ZMYM5: variants seen among roughly 807,000 people sequenced by gnomAD.
ZMYM5 encodes zinc finger MYM-type containing 5.
Under a neutral mutation model 61.8 loss-of-function variants are expected in ZMYM5, and 41 were observed. That is an observed-to-expected ratio of 0.66 (90% CI 0.52 to 0.86). ZMYM5 has a LOEUF of 0.86. Ranked by LOEUF, ZMYM5 falls within the 40% of genes least tolerant of loss-of-function variation. The probability of loss-of-function intolerance (pLI) is 0.00; values close to 1 mark genes in which losing one functional copy is unlikely to be tolerated. For synonymous variants in ZMYM5, 257 were observed against 276.4 expected, an observed-to-expected ratio of 0.93 and a Z score of 0.70; for missense variants, 706 against 786.7, an observed-to-expected ratio of 0.90 and a Z score of 1.23.
At chr13:19,847,276 T>C (rs918046952) in intron 4 of ZMYM5, among the ~76,000 whole-genome samples, 1 of 152,030 alleles carries the variant, frequency 6.6e-6, no homozygotes, top group African/African-American at 2.4e-5. Context: ...CGGTTACAAA[T>C]CCCACATTGT....
intron 4 of ZMYM5, among the ~76,000 whole-genome samples, chr13:19,847,319 T>C (rs1235526272): frequency 6.6e-6 from 1 of 152,176 alleles, no homozygotes; most frequent in Non-Finnish European, 1.5e-5. Context: ...TGTCAAGTTT[T>C]GGTGCTGCAT....
In ZMYM5 at chr13:19,837,642, A is replaced by G. The variant is rs1952716354; in HGVS notation, c.1038+14T>C. 1.9e-6 allele frequency: 3 copies of G among 1,596,662 alleles called. No homozygotes were observed. Among genetic ancestry groups the G allele is most frequent in the Non-Finnish European group, 1.7e-6 (2 of 1,176,250 alleles). On this transcript the variant is annotated intron_variant, in intron 6 of 7. Coordinates refer to ENST00000337963, the MANE Select transcript of ZMYM5 (RefSeq NM_001142684.2). The stretch of plus-strand genomic sequence containing the variant: ...TGTTAGCCTAAACAACAACTTAGGT[A>G]TAAAAATCCAGACCTCTGCTAATTT...
chr13:19,830,735 A>G (rs1304621521), intron 7 of ZMYM5, among the ~76,000 whole-genome samples: 2 of 152,186 alleles, frequency 1.3e-5, no homozygotes, highest in East Asian at 3.9e-4. Context: ...CATGTTGCCC[A>G]GGCTGGTCTC....
Position 19,837,794 on chromosome 13 carries a change from G to T in ZMYM5, c.900C>A (p.Val300=). The T allele has an allele frequency of 1.3e-6, 2 of 1,592,474 alleles. No individual in the cohort carries two copies. The highest frequency in any genetic ancestry group is 2.3e-5 in the South Asian group (2 of 85,578). The change falls in exon 6 of 8, where the codon GTC becomes GTA. Residue 300 remains valine, a synonymous_variant. Coordinates refer to ENST00000337963, the MANE Select transcript of ZMYM5 (RefSeq NM_001142684.2). ...KKDASTKKAN[V]ILPVESSKSF... is the part of the protein sequence containing the mutation. ...ATTTGCTTGATTCTACTGGAAGAATGACATTAGCCTTCTTTGTAGATGCAT... is the reference window on the plus strand; with the variant it reads ...ATTTGCTTGATTCTACTGGAAGAATTACATTAGCCTTCTTTGTAGATGCAT...
At chr13:19,855,055 G>T (rs1040259189) in intron 2 of ZMYM5, among the ~76,000 whole-genome samples, 3 of 152,066 alleles carry the variant, frequency 2.0e-5, no homozygotes, top group African/African-American at 7.2e-5. Flanking sequence ...GGTTTGTAAA[G>T]AAATGAAAAA....
chr13:19,840,948 A>AT (rs1454193832), intron 4 of ZMYM5, among the ~76,000 whole-genome samples: 13 of 149,430 alleles, frequency 8.7e-5, no homozygotes, highest in Non-Finnish European at 1.9e-4. Context: ...AAGTGCTGGG[A>AT]TTACAGGCCT....
chr13:19,836,308 C>T lies in ZMYM5; in HGVS notation c.1039-619G>A, dbSNP rs1040008690. Among the ~76,000 whole-genome samples the T allele has an allele frequency of 2.6e-5, 4 of 151,308 alleles. No homozygotes were observed. The East Asian group carries it at 7.7e-4, about 29-fold the overall frequency. On this transcript the variant is annotated intron_variant, in intron 6 of 7. Coordinates refer to ENST00000337963, the MANE Select transcript of ZMYM5 (RefSeq NM_001142684.2). ...TTGAGACAAGTTTTTGCTATGTTGC[C>T]CTGGGCTCGAATTCCTGGTCTCAAG...
At chr13:19,860,977 G>C (rs1269231934) in intron 2 of ZMYM5, among the ~76,000 whole-genome samples, 1 of 148,670 alleles carries the variant, frequency 6.7e-6, no homozygotes, top group Non-Finnish European at 1.5e-5. Context: ...AAACCTTATG[G>C]ACCAGGCTTT....
chr13:19,837,856 C>T, intron 5 of ZMYM5, 35 bp from the exon 6 acceptor site: 1 of 1,560,274 alleles, frequency 6.4e-7, no homozygotes, highest in Non-Finnish European at 8.6e-7. Context: ...AATTTAAGAA[C>T]ACTGAATTTT....
chr13:19,851,624 T>G (rs1566104726), intron 3 of ZMYM5, 65 bp downstream of exon 3: 9 of 1,547,146 alleles, frequency 5.8e-6, no homozygotes, highest in Non-Finnish European at 6.9e-6. Flanking sequence ...GGTTGTAACA[T>G]TAGTAATAAT....
chr13:19,843,755 G>C (rs1286381773), intron 4 of ZMYM5: 1 of 151,934 alleles, frequency 6.6e-6, no homozygotes, highest in Non-Finnish European at 1.5e-5. Flanking sequence ...AGAACGGCTT[G>C]AACCTGGGAG....
intron 7 of ZMYM5, among the ~76,000 whole-genome samples, chr13:19,825,745 A>G (rs1890882626): frequency 6.6e-6 from 1 of 151,864 alleles, no homozygotes; most frequent in Admixed American, 6.6e-5. Flanking sequence ...GAGGATGACT[A>G]TAATAGAGAA....
In ZMYM5 at chr13:19,851,773, G is replaced by A. The variant is rs1403616445; in HGVS notation, c.408C>T (p.Ser136=). Residue 136 remains serine (S), a synonymous_variant, in exon 3 of 8, where the codon TCC becomes TCT. Coordinates refer to ENST00000337963, the MANE Select transcript of ZMYM5 (RefSeq NM_001142684.2). ...CAGGAAGTCCCCATTCGATAAAACA[G>A]GAAGACTTTTTCTCTGCTCCTCCAT... The part of the protein sequence containing the change: ...ETNGGAEKKS[S]CFIEWGLPGT... The A allele has an allele frequency of 6.8e-6, 11 of 1,607,036 alleles. No homozygotes were observed. Among genetic ancestry groups the A allele is most frequent in the Non-Finnish European group, 9.3e-6 (11 of 1,178,462 alleles).
intron 7 of ZMYM5, among the ~76,000 whole-genome samples, chr13:19,826,465 T>C (rs534997344): frequency 7.8e-4 from 119 of 152,162 alleles, no homozygotes; most frequent in Non-Finnish European, 1.5e-3. Flanking sequence ...TAAAAATATA[T>C]GGACACACAG....
chr13:19,828,341 G>T (rs559262880), intron 7 of ZMYM5, among the ~76,000 whole-genome samples: 1 of 152,190 alleles, frequency 6.6e-6, no homozygotes, highest in Admixed American at 6.6e-5. Context: ...AGGAGTGGTG[G>T]CGCGCACCTG....
intron 2 of ZMYM5, among the ~76,000 whole-genome samples, chr13:19,856,676 G>A (rs149196722): frequency 0.012 from 1,814 of 151,902 alleles, 38 homozygotes; most frequent in African/African-American, 0.04. Context: ...CACGCGTGGT[G>A]GCATGCACCT....
At chr13:19,860,237 T>C (rs1453057609) in intron 2 of ZMYM5, among the ~76,000 whole-genome samples, 1 of 150,590 alleles carries the variant, frequency 6.6e-6, no homozygotes, top group Non-Finnish European at 1.5e-5. Flanking sequence ...GTGATTCTCC[T>C]GGCTCAGCCT....
intron 3 of ZMYM5, 88 bp from the exon 4 acceptor site, chr13:19,851,536 A>T (rs1953296328): frequency 9.0e-6 from 14 of 1,558,842 alleles, no homozygotes; most frequent in African/African-American, 8.1e-5. Flanking sequence ...CCAAGTTGGT[A>T]TTCTATAGTG....
intron 7 of ZMYM5, among the ~76,000 whole-genome samples, chr13:19,830,888 G>A (rs1213746523): frequency 6.8e-6 from 1 of 148,058 alleles, no homozygotes; most frequent in Non-Finnish European, 1.5e-5. Flanking sequence ...CCCCCAGGCT[G>A]GAGTGCAGTG....
Sources: allele counts gnomAD v4.1 joint callset (sites outside exome capture counted in the v4.1 genomes callset), GRCh38; gene constraint gnomAD v4.1.1; transcripts MANE v1.5; gene names NCBI Gene and HGNC (gene_info 2026-07-23, HGNC 2026-07-21).